Variants in MAP7 observed in about 807,000 individuals in gnomAD.
MAP7 encodes ensconsin.
A neutral mutation model predicts 94.8 loss-of-function variants in MAP7; 52 were observed. The observed-to-expected ratio is 0.55, with a 90% confidence interval of 0.44 to 0.69. MAP7 has a LOEUF of 0.69. MAP7 is among the 30% of genes least tolerant of loss of function. The pLI, the probability that MAP7 is intolerant of heterozygous loss-of-function variation, is 0.00. For missense variants in MAP7, 940 were observed against 964.6 expected (o/e 0.97, Z 0.34); for synonymous variants, 350 against 357.0 (o/e 0.98, Z 0.22).
intron 3 of MAP7, among the ~76,000 whole-genome samples, chr6:136,407,697 C>G (rs1786059088): frequency 6.6e-6 from 1 of 152,128 alleles, no homozygotes; most frequent in African/African-American, 2.4e-5. Context: ...CCAGACTGAC[C>G]ACTGGGTAGC....
At chr6:136,479,315 A>T (rs181045636) in intron 1 of MAP7, among the ~76,000 whole-genome samples, 70 of 152,338 alleles carry the variant, frequency 4.6e-4, no homozygotes, top group Non-Finnish European at 6.0e-4. Context: ...ACATCCTTTC[A>T]TGATAAAAAT....
intron 3 of MAP7, among the ~76,000 whole-genome samples, chr6:136,403,946 T>C (rs1348888686): frequency 6.6e-6 from 1 of 152,208 alleles, no homozygotes; most frequent in Non-Finnish European, 1.5e-5. Context: ...ATTCACTAAG[T>C]GACAATTTTA....
chr6:136,470,906 T>C (rs1229858147), intron 1 of MAP7, among the ~76,000 whole-genome samples: 1 of 152,188 alleles, frequency 6.6e-6, no homozygotes, highest in African/African-American at 2.4e-5. Context: ...TGTTTTTTCC[T>C]TGCAGAGTTT....
chr6:136,420,494 C>T (rs1174679025), intron 2 of MAP7: 3 of 377,978 alleles, frequency 7.9e-6, no homozygotes, highest in South Asian at 7.2e-5. Context: ...AAATAAAGGT[C>T]CACTAGAATA....
At chr6:136,527,755 A>G (rs1477677611) in intron 1 of MAP7, among the ~76,000 whole-genome samples, 1 of 152,202 alleles carries the variant, frequency 6.6e-6, no homozygotes, top group Non-Finnish European at 1.5e-5. Flanking sequence ...TATCAATGCT[A>G]CCAGGAAGTA....
At chr6:136,410,288 TG>T (rs764893376) in intron 3 of MAP7, among the ~76,000 whole-genome samples, 2 of 152,204 alleles carry the variant, frequency 1.3e-5, no homozygotes, top group Non-Finnish European at 2.9e-5. Flanking sequence ...GACATACGCA[TG>T]GACTTGAAAA....
intron 1 of MAP7, among the ~76,000 whole-genome samples, chr6:136,437,226 A>G (rs760924061): frequency 1.2e-4 from 18 of 152,258 alleles, no homozygotes; most frequent in East Asian, 3.9e-4. Context: ...TTTATTTTGT[A>G]TCCAGTGAAG....
intron 10 of MAP7, among the ~76,000 whole-genome samples, chr6:136,363,087 A>C (rs2128572623): frequency 6.6e-6 from 1 of 152,332 alleles, no homozygotes; most frequent in Non-Finnish European, 1.5e-5. Context: ...ACTCTTCGGT[A>C]ACCATTCATT....
intron 3 of MAP7, among the ~76,000 whole-genome samples, chr6:136,400,326 GA>G: frequency 6.6e-6 from 1 of 151,104 alleles, no homozygotes; most frequent in Non-Finnish European, 1.5e-5. Context: ...TGAGGCAGGA[GA>G]ATCACTTGAA....
At chr6:136,525,096 T>C (rs999376699) in intron 1 of MAP7, among the ~76,000 whole-genome samples, 2 of 152,190 alleles carry the variant, frequency 1.3e-5, no homozygotes, top group East Asian at 3.9e-4. Context: ...TGTGAGACAA[T>C]GCTGACAATG....
intron 1 of MAP7, among the ~76,000 whole-genome samples, chr6:136,442,027 T>G (rs1303025777): frequency 6.7e-6 from 1 of 148,166 alleles, no homozygotes; most frequent in Non-Finnish European, 1.5e-5. Flanking sequence ...ACAACAACAG[T>G]AACAAACAAA....
At chr6:136,484,351 T>C (rs1167671849) in intron 1 of MAP7, among the ~76,000 whole-genome samples, 1 of 152,224 alleles carries the variant, frequency 6.6e-6, no homozygotes, top group East Asian at 1.9e-4. Context: ...AAGGCTACTT[T>C]AGTTGGATCC....
intron 1 of MAP7, among the ~76,000 whole-genome samples, chr6:136,545,918 T>C (rs987014927): frequency 6.6e-6 from 1 of 152,228 alleles, no homozygotes; most frequent in Non-Finnish European, 1.5e-5. Flanking sequence ...AACAATCCAA[T>C]TACACTCTTA....
At chr6:136,547,127 T>A in intron 1 of MAP7, among the ~76,000 whole-genome samples, 1 of 152,204 alleles carries the variant, frequency 6.6e-6, no homozygotes. Flanking sequence ...TAGAGTTAAG[T>A]GACACCTACA....
chr6:136,457,053 C>A (rs1247569701), intron 1 of MAP7, among the ~76,000 whole-genome samples: 29 of 146,004 alleles, frequency 2.0e-4, no homozygotes, highest in African/African-American at 6.5e-4. Context: ...AATTGACAAA[C>A]CTTTAGCTAA....
Position 136,434,135 on chromosome 6 carries a change from G to A in MAP7, c.68-12336C>T, listed in dbSNP as rs77883569. Reference sequence around the variant, plus strand: ...AGCCTGGCCAACATGGTGAAACCCCGTCTCTACTAAAAAATACAAAGATTA... The same window carrying A: ...AGCCTGGCCAACATGGTGAAACCCCATCTCTACTAAAAAATACAAAGATTA... On this transcript the variant is annotated intron_variant, in intron 1 of 17. Coordinates refer to ENST00000354570, the MANE Select transcript of MAP7 (RefSeq NM_003980.6). Among the ~76,000 whole-genome samples, 1,896 of 152,014 alleles carry A rather than the reference G, an allele frequency of 0.012. 60 individuals carry two copies. In the East Asian group the frequency reaches 0.13, roughly 11 times the overall value.
chr6:136,450,522 T>G (rs1270716567), intron 1 of MAP7, among the ~76,000 whole-genome samples: 1 of 152,166 alleles, frequency 6.6e-6, no homozygotes, highest in East Asian at 1.9e-4. Context: ...TTAAAAGGAC[T>G]TTTTAAGATA....
intron 1 of MAP7, among the ~76,000 whole-genome samples, chr6:136,447,386 C>T (rs918983082): frequency 2.0e-5 from 3 of 152,178 alleles, no homozygotes; most frequent in Non-Finnish European, 2.9e-5. Context: ...TCACAGGACT[C>T]GCCTTTGGAA....
intron 1 of MAP7, among the ~76,000 whole-genome samples, chr6:136,474,781 C>T (rs1304866356): frequency 4.0e-5 from 6 of 151,484 alleles, no homozygotes; most frequent in East Asian, 3.9e-4. Flanking sequence ...TGCAATGGCA[C>T]GATCTCAGCT....
Sources: gnomAD v4.1 joint callset for allele counts (sites outside exome capture counted in the v4.1 genomes callset) on GRCh38, gnomAD v4.1.1 for gene constraint, MANE v1.5 for transcripts, NCBI Gene and HGNC (gene_info 2026-07-23, HGNC 2026-07-21) for gene names.